HSPA4: variants seen among roughly 807,000 people sequenced by gnomAD.
HSPA4 encodes the protein heat shock 70 kDa protein 4.
Under a neutral mutation model 106.2 loss-of-function variants are expected in HSPA4, and 25 were observed. The ratio of observed to expected loss-of-function variants is 0.24; its 90% confidence interval spans 0.17 to 0.33. HSPA4 has a LOEUF of 0.33. Among genes scored for constraint, HSPA4 ranks in the 10% least tolerant of loss-of-function variants. The pLI, the probability that HSPA4 is intolerant of heterozygous loss-of-function variation, is 1.00. For synonymous variants in HSPA4, 332 were observed against 333.6 expected (o/e 1.00, Z 0.05); for missense variants, 841 against 996.0 (o/e 0.84, Z 2.10).
rs530527046 is a variant in HSPA4 at position 133,101,237 on chromosome 5, GTTC to G, written c.2038-515_2038-513del. 5.9e-5 allele frequency among the ~76,000 whole-genome samples: 9 copies of G among 152,258 alleles called. No individual in the cohort carries two copies. In the East Asian group the frequency reaches 1.2e-3, roughly 20 times the overall value. On this transcript the variant is annotated intron_variant, in intron 16 of 18. Coordinates refer to ENST00000304858, the MANE Select transcript of HSPA4 (RefSeq NM_002154.4). ...GATGTCGCTTATAACTGTGTCTATA[GTTC>G]TTCTTCCGTTATTTCCCCATGTCGC...
chr5:133,065,058 T>TA (rs762916839), intron 2 of HSPA4, 21 bp downstream of exon 2: 22 of 1,599,096 alleles, frequency 1.4e-5, no homozygotes, highest in Non-Finnish European at 1.9e-5. Flanking sequence ...ATTTTTTTCC[T>TA]AAAATGACTT....
chr5:133,062,848 T>TGGGCCAGCCCAGG (rs1456355136), intron 1 of HSPA4, among the ~76,000 whole-genome samples: 5 of 152,192 alleles, frequency 3.3e-5, no homozygotes, highest in Admixed American at 1.3e-4. Flanking sequence ...GAAGGACCAC[T>TGGGCCAGCCCAGG]GAAGCCCAGG....
chr5:133,064,005 G>A (rs1158058915), intron 1 of HSPA4, among the ~76,000 whole-genome samples: 2 of 151,992 alleles, frequency 1.3e-5, no homozygotes, highest in Non-Finnish European at 2.9e-5. Flanking sequence ...CAGGTGATCC[G>A]CCTGCCTCAG....
chr5:133,088,275 A>G, intron 8 of HSPA4, 129 bp from the exon 9 acceptor site: 2 of 646,444 alleles, frequency 3.1e-6, no homozygotes, highest in South Asian at 1.9e-5. Context: ...GGGCATGAGT[A>G]TGTGTGTGTT....
Position 133,106,089 on chromosome 5 carries a change from T to TAA in HSPA4, c.*1665_*1666dup, listed in dbSNP as rs1554090678. ...CCAGACCGTAATGGCCATTTCTTCT[T>TAA]AAAAAAAAAAAAATTTTTTTTTTTT... is the stretch of plus-strand genomic sequence containing the variant. On this transcript the variant is annotated 3_prime_UTR_variant, in exon 19 of 19. Coordinates refer to ENST00000304858, the MANE Select transcript of HSPA4 (RefSeq NM_002154.4). 1 of 106,230 alleles carries TAA rather than the reference T, an allele frequency of 9.4e-6. No homozygotes were observed. Among genetic ancestry groups the TAA allele is most frequent in the Non-Finnish European group, 1.8e-5 (1 of 54,196 alleles). 6.6% of individuals were successfully genotyped at this position (106,230 alleles called of 1,614,324 possible). A position where few individuals can be genotyped will look rare whatever the true frequency, so the allele number is the denominator to read the frequency against.
At chr5:133,092,635 G>A in intron 12 of HSPA4, 65 bp from the exon 13 acceptor site, 1 of 1,034,002 alleles carries the variant, frequency 9.7e-7, no homozygotes, top group Non-Finnish European at 1.5e-6. Flanking sequence ...ATGTGACTTT[G>A]TCAATGTGTA....
Position 133,052,279 on chromosome 5 carries a change from T to A in HSPA4, c.29T>A (p.Phe10Tyr). 1 of 1,597,180 alleles carries A rather than the reference T, an allele frequency of 6.3e-7. No individual in the cohort carries two copies. The highest frequency in any genetic ancestry group is 8.5e-7 in the Non-Finnish European group (1 of 1,174,746). MSVVGIDLG[F>Y]QSCYVAVARA... ...TCGGTGGTGGGCATAGACCTGGGCTTCCAGAGCTGCTACGTCGCTGTGGCC... is the reference window on the plus strand; with the variant it reads ...TCGGTGGTGGGCATAGACCTGGGCTACCAGAGCTGCTACGTCGCTGTGGCC... The change falls in exon 1 of 19, where the codon TTC becomes TAC. Residue 10 changes from phenylalanine (F) to tyrosine (Y), a missense_variant. Transcript: ENST00000304858.
In HSPA4 at chr5:133,104,603, T is replaced by G; in HGVS notation, c.*167T>G. 1.6e-6 allele frequency: 1 copy of G among 610,056 alleles called. No individual in the cohort carries two copies. Among genetic ancestry groups the G allele is most frequent in the East Asian group, 2.8e-5 (1 of 35,658 alleles). 37.8% of individuals were successfully genotyped at this position (610,056 alleles called of 1,614,324 possible). On this transcript the variant is annotated 3_prime_UTR_variant, in exon 19 of 19. Coordinates refer to ENST00000304858, the MANE Select transcript of HSPA4 (RefSeq NM_002154.4). ...TGTATGGAGCATTTTCACTTCTAAATAGTTAGATACAGAAATTAAGTGCAT... is the reference window on the plus strand; with the variant it reads ...TGTATGGAGCATTTTCACTTCTAAAGAGTTAGATACAGAAATTAAGTGCAT...
chr5:133,054,519 T>G (rs1245026856), intron 1 of HSPA4, among the ~76,000 whole-genome samples: 1 of 152,174 alleles, frequency 6.6e-6, no homozygotes, highest in African/African-American at 2.4e-5. Context: ...TTATTAAGGT[T>G]TAATTCATAT....
At position 133,052,218 on chromosome 5, in the gene HSPA4, A is replaced by G. The variant is rs1765088887; in HGVS notation, c.-33A>G. On this transcript the variant is annotated 5_prime_UTR_variant, in exon 1 of 19. Coordinates refer to ENST00000304858, the MANE Select transcript of HSPA4 (RefSeq NM_002154.4). ...GTCCGTGTCCTGTCTCGGTGGCCGG[A>G]CCCGGGCCCGAGCCCGAGCAGTAGC... 2.7e-6 allele frequency: 4 copies of G among 1,470,792 alleles called. No homozygotes were observed. The highest frequency in any genetic ancestry group is 2.8e-6 in the Non-Finnish European group (3 of 1,084,612). The allele number at this position is 1,470,792 out of a possible 1,614,324, so 91.1% of individuals were successfully genotyped here.
chr5:133,082,922 G>T (rs773273019), intron 7 of HSPA4, among the ~76,000 whole-genome samples: 4 of 151,840 alleles, frequency 2.6e-5, no homozygotes, highest in African/African-American at 9.7e-5. Flanking sequence ...GATCACCTGA[G>T]TTCAGGAGTT....
intron 15 of HSPA4, 111 bp downstream of exon 15, chr5:133,097,397 A>G (rs921511175): frequency 7.4e-6 from 7 of 940,272 alleles, no homozygotes; most frequent in Non-Finnish European, 9.2e-6. Context: ...TTAAAAATGG[A>G]GTTTTTCTGG....
At chr5:133,075,798 C>T (rs926944356) in intron 6 of HSPA4, among the ~76,000 whole-genome samples, 4 of 151,510 alleles carry the variant, frequency 2.6e-5, no homozygotes, top group East Asian at 1.9e-4. Context: ...CCACTGCACT[C>T]CAGCCTGGGC....
At chr5:133,082,811 G>A (rs1325746276) in intron 7 of HSPA4, among the ~76,000 whole-genome samples, 1 of 152,014 alleles carries the variant, frequency 6.6e-6, no homozygotes, top group Non-Finnish European at 1.5e-5. Context: ...AAATTATATT[G>A]CAATAAAACT....
intron 6 of HSPA4, among the ~76,000 whole-genome samples, chr5:133,075,150 A>G (rs1433876958): frequency 6.6e-6 from 1 of 152,216 alleles, no homozygotes; most frequent in Non-Finnish European, 1.5e-5. Flanking sequence ...TTGTTTTTAA[A>G]TAAAAAGAAA....
At position 133,052,072 on chromosome 5, in the gene HSPA4, C is replaced by G; in HGVS notation, c.-179C>G. 1.8e-6 allele frequency: 1 copy of G among 560,144 alleles called. No individual in the cohort carries two copies. Among genetic ancestry groups the G allele is most frequent in the Non-Finnish European group, 3.2e-6 (1 of 315,752 alleles). 34.7% of individuals were successfully genotyped at this position (560,144 alleles called of 1,614,324 possible). ...CTGCGGCCACTGAGCCGGAGCCGGC[C>G]TGAGCAGCGCTCTCGGTTGCAGTAC... is the stretch of plus-strand genomic sequence containing the variant. On this transcript the variant is annotated 5_prime_UTR_variant, in exon 1 of 19. Transcript: ENST00000304858.
intron 6 of HSPA4, among the ~76,000 whole-genome samples, chr5:133,074,487 AG>A (rs1252425936): frequency 6.6e-6 from 1 of 152,192 alleles, no homozygotes; most frequent in Non-Finnish European, 1.5e-5. Flanking sequence ...CATGTTGGTC[AG>A]GCTGGTCTCG....
chr5:133,079,642 T>A (rs548568261), intron 7 of HSPA4, among the ~76,000 whole-genome samples: 2 of 152,270 alleles, frequency 1.3e-5, no homozygotes, highest in East Asian at 3.9e-4. Flanking sequence ...TACCTAGGAG[T>A]GGAATTGCTG....
chr5:133,059,233 A>G (rs2126693342), intron 1 of HSPA4, among the ~76,000 whole-genome samples: 1 of 151,998 alleles, frequency 6.6e-6, no homozygotes, highest in Admixed American at 6.6e-5. Flanking sequence ...GGTTCGCCTG[A>G]GGTCAGGAGT....
Sources: gnomAD v4.1 joint callset for allele counts (sites outside exome capture counted in the v4.1 genomes callset) on GRCh38, gnomAD v4.1.1 for gene constraint, MANE v1.5 for transcripts, NCBI Gene and HGNC (gene_info 2026-07-23, HGNC 2026-07-21) for gene names.